The following ZDHHC21 variants were observed in gnomAD, a reference collection of about 807,000 sequenced individuals.
ZDHHC21 encodes the protein zDHHC palmitoyltransferase 21.
A neutral mutation model predicts 34.6 loss-of-function variants in ZDHHC21; 15 were observed. The ratio of observed to expected loss-of-function variants is 0.43; its 90% CI spans 0.29 to 0.67. The LOEUF (loss-of-function observed/expected upper bound fraction) is 0.67, where lower values mean the gene tolerates loss of function less well. ZDHHC21 is among the 30% of genes least tolerant of loss of function. The probability of loss-of-function intolerance (pLI) is 0.14; values close to 1 mark genes in which losing one functional copy is unlikely to be tolerated. For missense variants in ZDHHC21, 344 were observed against 327.7 expected, an observed-to-expected ratio of 1.05 and a Z score of -0.38; for synonymous variants, 142 against 101.8, an observed-to-expected ratio of 1.40 and a Z score of -2.38.
chr9:14,644,212 G>T (rs1357963893), intron 7 of ZDHHC21, among the ~76,000 whole-genome samples: 2 of 152,042 alleles, frequency 1.3e-5, no homozygotes, highest in Non-Finnish European at 2.9e-5. Flanking sequence ...TATAAAAATA[G>T]ATTTTTAAAA....
intron 2 of ZDHHC21, among the ~76,000 whole-genome samples, chr9:14,689,190 T>C (rs1056978676): frequency 2.0e-5 from 3 of 152,130 alleles, no homozygotes; most frequent in African/African-American, 7.3e-5. Context: ...TTCTACACGT[T>C]GGTTAGGGGG....
chr9:14,662,568 G>A (rs1039298532), intron 5 of ZDHHC21, among the ~76,000 whole-genome samples: 2 of 152,166 alleles, frequency 1.3e-5, no homozygotes, highest in African/African-American at 4.8e-5. Context: ...TATAGTCAAA[G>A]TAAGAGACAG....
At chr9:14,665,808 T>A (rs1290094665) in intron 5 of ZDHHC21, among the ~76,000 whole-genome samples, 1 of 148,018 alleles carries the variant, frequency 6.8e-6, no homozygotes, top group Non-Finnish European at 1.5e-5. Context: ...TGACCAATTT[T>A]GTCACCACCA....
chr9:14,668,584 C>T (rs912096517), intron 5 of ZDHHC21, among the ~76,000 whole-genome samples: 24 of 151,360 alleles, frequency 1.6e-4, no homozygotes, highest in African/African-American at 3.7e-4. Context: ...AGGAATCACA[C>T]GACCTGACTT....
chr9:14,595,655 C>T, the ZDHHC21 span, among the ~76,000 whole-genome samples: 1 of 152,122 alleles, frequency 6.6e-6, no homozygotes, highest in East Asian at 1.9e-4. Flanking sequence ...ATACATCTGA[C>T]AAAGGAATGG....
chr9:14,606,629 G>T (rs113417364), downstream of ZDHHC21, among the ~76,000 whole-genome samples: 25 of 152,134 alleles, frequency 1.6e-4, no homozygotes, highest in African/African-American at 4.6e-4. Flanking sequence ...ATAAAAAAAT[G>T]GTTGGTTTTT....
chr9:14,664,927 A>G (rs925855001), intron 5 of ZDHHC21, among the ~76,000 whole-genome samples: 4,779 of 151,504 alleles, frequency 0.032, 252 homozygotes, highest in African/African-American at 0.11. Flanking sequence ...TGGAAACTCT[A>G]AAATGCAGAG....
At chr9:14,685,408 C>G (rs1346623594) in intron 2 of ZDHHC21, among the ~76,000 whole-genome samples, 1 of 151,334 alleles carries the variant, frequency 6.6e-6, no homozygotes, top group Admixed American at 6.6e-5. Flanking sequence ...TGAACAGACA[C>G]TTCTCAAAAG....
the ZDHHC21 span, among the ~76,000 whole-genome samples, chr9:14,605,029 G>T: frequency 6.6e-6 from 1 of 152,260 alleles, no homozygotes; most frequent in East Asian, 1.9e-4. Flanking sequence ...TGCAGCATCT[G>T]ACAGTATTTC....
At chr9:14,636,965 G>A (rs961333960) in intron 8 of ZDHHC21, among the ~76,000 whole-genome samples, 4 of 151,886 alleles carry the variant, frequency 2.6e-5, no homozygotes, top group Admixed American at 6.6e-5. Context: ...AAGATTTCAA[G>A]CAAATAGTCT....
chr9:14,659,695 C>G (rs1233927367), intron 6 of ZDHHC21, among the ~76,000 whole-genome samples: 1 of 152,146 alleles, frequency 6.6e-6, no homozygotes, highest in African/African-American at 2.4e-5. Context: ...GGTTTCGGTC[C>G]TAACTTAAAT....
chr9:14,689,432 C>A lies in ZDHHC21; in HGVS notation c.-176+905G>T, dbSNP rs535938516. ...AAGACTTTGTAAAAACGTGGGTGGA[C>A]AAAGTGTCAAAGCATAAAATACTTG... On this transcript the variant is annotated intron_variant, in intron 2 of 9. Transcript: ENST00000380916. 3.3e-5 allele frequency among the ~76,000 whole-genome samples: 5 copies of A among 152,294 alleles called. No individual in the cohort carries two copies. In the East Asian group the frequency reaches 9.6e-4, roughly 29 times the overall value.
At chr9:14,638,674 A>T (rs962181056) in intron 8 of ZDHHC21, among the ~76,000 whole-genome samples, 9 of 148,684 alleles carry the variant, frequency 6.1e-5, no homozygotes, top group African/African-American at 2.2e-4. Flanking sequence ...CTCAACAATT[A>T]AAAAAAAAAG....
At chr9:14,645,167 A>T (rs1160944642) in intron 7 of ZDHHC21, among the ~76,000 whole-genome samples, 1 of 152,102 alleles carries the variant, frequency 6.6e-6, no homozygotes, top group Non-Finnish European at 1.5e-5. Flanking sequence ...TGGGAATTTA[A>T]AAAAAGGTTA....
chr9:14,658,315 T>C (rs1332783527), intron 7 of ZDHHC21, among the ~76,000 whole-genome samples: 2 of 151,446 alleles, frequency 1.3e-5, no homozygotes. Context: ...AATCCCAATA[T>C]AGTTCAAAAT....
chr9:14,678,392 G>A (rs566495640), intron 3 of ZDHHC21, among the ~76,000 whole-genome samples: 6 of 151,830 alleles, frequency 4.0e-5, no homozygotes, highest in African/African-American at 1.2e-4. Flanking sequence ...CCGACAAGAG[G>A]CATACAACAT....
chr9:14,650,521 T>C (rs1361855227), intron 7 of ZDHHC21, among the ~76,000 whole-genome samples: 1 of 151,958 alleles, frequency 6.6e-6, no homozygotes. Context: ...AAAATAAAAG[T>C]TATTATTAAG....
At chr9:14,640,431 C>T (rs891265991) in intron 7 of ZDHHC21, among the ~76,000 whole-genome samples, 1 of 151,694 alleles carries the variant, frequency 6.6e-6, no homozygotes, top group African/African-American at 2.4e-5. Flanking sequence ...AGTTTGAATA[C>T]ACAGCATGAT....
chr9:14,671,947 T>C (rs1215448624), intron 5 of ZDHHC21, among the ~76,000 whole-genome samples: 1 of 152,126 alleles, frequency 6.6e-6, no homozygotes, highest in Non-Finnish European at 1.5e-5. Context: ...ATTCAAGTAA[T>C]ATAAACAAAC....
Sources: gnomAD v4.1 joint callset for allele counts (sites outside exome capture counted in the v4.1 genomes callset) on GRCh38, gnomAD v4.1.1 for gene constraint, MANE v1.5 for transcripts, NCBI Gene and HGNC (gene_info 2026-07-23, HGNC 2026-07-21) for gene names.